CLCN4: variants seen among roughly 807,000 people sequenced by gnomAD.
CLCN4 encodes the protein Cl-/H+ antiporter 4.
A neutral mutation model predicts 41.7 loss-of-function variants in CLCN4; 1 was observed. That is an observed-to-expected ratio of 0.02 (90% confidence interval 0.01 to 0.11). The LOEUF (loss-of-function observed/expected upper bound fraction) is 0.11, where lower values mean the gene tolerates loss of function less well. Ranked by LOEUF, CLCN4 falls within the 10% of genes least tolerant of loss-of-function variation. The pLI is 1.00. For missense variants in CLCN4, 287 were observed against 661.0 expected, an observed-to-expected ratio of 0.43 and a Z score of 6.20; for synonymous variants, 277 against 285.8, an observed-to-expected ratio of 0.97 and a Z score of 0.31.
intron 11 of CLCN4, among the ~76,000 whole-genome samples, chrX:10,219,907 T>C (rs777528873): frequency 1.8e-5 from 2 of 112,463 alleles, no homozygotes; most frequent in South Asian, 7.3e-4. Context: ...TAGCACCGCG[T>C]TAAGCTGTAT....
At chrX:10,222,008 A>G (rs1202412815) in intron 12 of CLCN4, among the ~76,000 whole-genome samples, 1 of 112,950 alleles carries the variant, frequency 8.9e-6, no homozygotes, top group Non-Finnish European at 1.9e-5. Context: ...GAAATCACAC[A>G]TAAGCAAAGG....
intron 5 of CLCN4, among the ~76,000 whole-genome samples, chrX:10,196,193 G>T (rs137994249): frequency 2.3e-3 from 260 of 112,286 alleles, no homozygotes; most frequent in Middle Eastern, 9.2e-3. Context: ...GCATCTCATT[G>T]TGCTTTCAGT....
In CLCN4 at chrX:10,229,564, G is replaced by T. The variant is rs1288984624; in HGVS notation, c.2193-3930G>T. On this transcript the variant is annotated intron_variant, in intron 12 of 12. Coordinates refer to ENST00000380833, the MANE Select transcript of CLCN4 (RefSeq NM_001830.4). ...CCCCCGTCCCCCCACCCCACTACAG[G>T]CCCCGGTGTGTGATGTTCCCCTTCC... Among the ~76,000 whole-genome samples, 4 of 105,692 alleles carry T rather than the reference G, an allele frequency of 3.8e-5. No individual in the cohort carries two copies. In the Admixed American group the frequency reaches 4.1e-4, roughly 11 times the overall value. The allele number at this position is 105,692 out of a possible 115,157, so 91.8% of individuals were successfully genotyped here. A position where few individuals can be genotyped will look rare whatever the true frequency, so the allele number is the denominator to read the frequency against.
chrX:10,222,782 G>A (rs1377228239), intron 12 of CLCN4, among the ~76,000 whole-genome samples: 1 of 111,894 alleles, frequency 8.9e-6, no homozygotes, highest in Non-Finnish European at 1.9e-5. Context: ...AGCACACAGG[G>A]GGACAGGCTT....
At chrX:10,184,796 C>T (rs1923768103) in intron 2 of CLCN4, among the ~76,000 whole-genome samples, 1 of 111,980 alleles carries the variant, frequency 8.9e-6, no homozygotes, top group African/African-American at 3.3e-5. Context: ...CCTGTATTCT[C>T]TTGGGAACAG....
chrX:10,186,205 G>A (rs1923806469), intron 3 of CLCN4, among the ~76,000 whole-genome samples: 1 of 111,171 alleles, frequency 9.0e-6, no homozygotes. Context: ...GCGGATGGGT[G>A]ATCACAGGTG....
chrX:10,219,619 C>T (rs1924809213), intron 11 of CLCN4, among the ~76,000 whole-genome samples: 1 of 112,120 alleles, frequency 8.9e-6, no homozygotes, highest in Non-Finnish European at 1.9e-5. Context: ...GCCAGTTTTC[C>T]ATTAGAGTAC....
rs61453535 is a variant in CLCN4, at chrX:10,204,613, C to CTTTTTTTTTTTTTTTTTTTTTTTTTTTT, written c.556-1736_556-1709dup. ...CTATTCTCACCAGAAAGCTAGTAGT[C>CTTTTTTTTTTTTTTTTTTTTTTTTTTTT]TTTTTTTTTTTTTTTTTTTTTTTTT... On this transcript the variant is annotated intron_variant, in intron 6 of 12. Coordinates refer to ENST00000380833, the MANE Select transcript of CLCN4 (RefSeq NM_001830.4). 7.3e-5 allele frequency among the ~76,000 whole-genome samples: 2 copies of CTTTTTTTTTTTTTTTTTTTTTTTTTTTT among 27,349 alleles called. 1 individual carries two copies. Among genetic ancestry groups the CTTTTTTTTTTTTTTTTTTTTTTTTTTTT allele is most frequent in the Non-Finnish European group, 1.8e-4 (2 of 10,921 alleles). 23.7% of individuals were successfully genotyped at this position (27,349 alleles called of 115,157 possible).
chrX:10,158,669 G>T (rs1002615461), intron 2 of CLCN4, 118 bp downstream of exon 2: 1 of 243,323 alleles, frequency 4.1e-6, no homozygotes, highest in African/African-American at 2.9e-5. Context: ...CCCAAAGTGG[G>T]GCCTCTGGCT....
At chrX:10,169,777 TTTTC>T (rs1569223397) in intron 2 of CLCN4, among the ~76,000 whole-genome samples, 2 of 85,779 alleles carry the variant, frequency 2.3e-5, no homozygotes, top group African/African-American at 1.2e-4. Context: ...TTTTTTTTCT[TTTTC>T]TTTTCTTTTC....
Position 10,213,635 on chromosome X carries a change from C to T in CLCN4, c.1577-46C>T, listed in dbSNP as rs776239768. 1.3e-5 allele frequency: 15 copies of T among 1,127,496 alleles called. No individual in the cohort carries two copies. The Admixed American group carries it at 3.3e-4, about 25-fold the overall frequency. The allele number at this position is 1,127,496 out of a possible 1,213,427, so 92.9% of individuals were successfully genotyped here. Reference sequence around the variant, plus strand: ...TTTCCCCAAATCATGCTTCCGTGAGCTGCCCGGCTTGCACTTTGGAATCTT... The same window carrying T: ...TTTCCCCAAATCATGCTTCCGTGAGTTGCCCGGCTTGCACTTTGGAATCTT... On this transcript the variant is annotated intron_variant, in intron 10 of 12. Transcript: ENST00000380833.
rs1201577069 is a variant in CLCN4 at position 10,234,130 on chromosome X, A to G, written c.*546A>G. Reference sequence around the variant, plus strand: ...ACACAGTGAAAGCTGCAAGTATGCCAGTGGGTCCGCTCACGACCGTCCTGT... The same window carrying G: ...ACACAGTGAAAGCTGCAAGTATGCCGGTGGGTCCGCTCACGACCGTCCTGT... On this transcript the variant is annotated 3_prime_UTR_variant, in exon 13 of 13. Transcript: ENST00000380833. 4.4e-5 allele frequency: 5 copies of G among 113,141 alleles called. No individual in the cohort carries two copies. The highest frequency in any genetic ancestry group is 1.6e-4 in the African/African-American group (5 of 31,011). 9.3% of individuals were successfully genotyped at this position (113,141 alleles called of 1,213,427 possible).
At position 10,173,400 on chromosome X, in the gene CLCN4, G is replaced by A. The variant is rs149442941; in HGVS notation, c.-11-11622G>A. Among the ~76,000 whole-genome samples the A allele has an allele frequency of 5.9e-3, 651 of 111,158 alleles. 4 individuals are homozygous for A. Among genetic ancestry groups the A allele is most frequent in the African/African-American group, 0.02 (615 of 30,526 alleles). On this transcript the variant is annotated intron_variant, in intron 2 of 12. Coordinates refer to ENST00000380833, the MANE Select transcript of CLCN4 (RefSeq NM_001830.4). ...GCCTGGGCGCTGCCTCAGGGACCCC[G>A]GTTTAATGACTCTGGGCGGGGCCTG...
chrX:10,236,000 C>G lies in CLCN4; in HGVS notation c.*2416C>G, dbSNP rs571017923. 8.9e-6 allele frequency: 1 copy of G among 112,424 alleles called. No homozygotes were observed. The highest frequency in any genetic ancestry group is 1.9e-5 in the Non-Finnish European group (1 of 53,328). 9.3% of individuals were successfully genotyped at this position (112,424 alleles called of 1,213,427 possible). On this transcript the variant is annotated 3_prime_UTR_variant, in exon 13 of 13. Transcript: ENST00000380833. ...TTTAAATCCAAAAAGTCTTAATGACCGCTTCATGTAGTTCCCCTCTTATTC... is the reference window on the plus strand; with the variant it reads ...TTTAAATCCAAAAAGTCTTAATGACGGCTTCATGTAGTTCCCCTCTTATTC...
At chrX:10,202,752 G>C (rs1339920817) in intron 6 of CLCN4, among the ~76,000 whole-genome samples, 1 of 104,819 alleles carries the variant, frequency 9.5e-6, no homozygotes, top group Non-Finnish European at 1.9e-5. Context: ...GCTTCCTTTT[G>C]TCAGTAGAAC....
At position 10,236,591 on chromosome X, in the gene CLCN4, T is replaced by A. The variant is rs201630228; in HGVS notation, c.*3007T>A. 1.5e-4 allele frequency: 17 copies of A among 111,910 alleles called. No individual in the cohort carries two copies. The East Asian group carries it at 4.5e-3, about 30-fold the overall frequency. 9.2% of individuals were successfully genotyped at this position (111,910 alleles called of 1,213,427 possible). Reference sequence around the variant, plus strand: ...AACATGCTGCCATGCTCTGTCTTTCTTGTAAACGTAGTTGGGTAGGGATCC... The same window carrying A: ...AACATGCTGCCATGCTCTGTCTTTCATGTAAACGTAGTTGGGTAGGGATCC... On this transcript the variant is annotated 3_prime_UTR_variant, in exon 13 of 13. Coordinates refer to ENST00000380833, the MANE Select transcript of CLCN4 (RefSeq NM_001830.4).
Position 10,187,384 on chromosome X carries a change from G to A in CLCN4, c.145-131G>A, listed in dbSNP as rs1383310644. On this transcript the variant is annotated intron_variant, in intron 3 of 12. Coordinates refer to ENST00000380833, the MANE Select transcript of CLCN4 (RefSeq NM_001830.4). ...ACATAACTGAAAGAATCACATCAGTGGGAATTTAGCTGCTTGATGACATTC... is the reference window on the plus strand; with the variant it reads ...ACATAACTGAAAGAATCACATCAGTAGGAATTTAGCTGCTTGATGACATTC... 2.0e-5 allele frequency: 10 copies of A among 499,549 alleles called. No individual in the cohort carries two copies. In the South Asian group the frequency reaches 3.0e-4, roughly 15 times the overall value. The allele number at this position is 499,549 out of a possible 1,213,427, so 41.2% of individuals were successfully genotyped here.
intron 1 of CLCN4, 99 bp downstream of exon 1, chrX:10,157,199 T>C (rs943213198): frequency 3.2e-5 from 9 of 283,046 alleles, no homozygotes; most frequent in Admixed American, 1.3e-4. Context: ...TTGAAAATAA[T>C]TGATCGCTGT....
chrX:10,178,403 A>G (rs751855709), intron 2 of CLCN4, among the ~76,000 whole-genome samples: 2 of 111,094 alleles, frequency 1.8e-5, no homozygotes, highest in East Asian at 5.6e-4. Context: ...TCTTCCTGCT[A>G]CTCCTCCAAA....
Sources: allele counts gnomAD v4.1 joint callset (sites outside exome capture counted in the v4.1 genomes callset), GRCh38; gene constraint gnomAD v4.1.1; transcripts MANE v1.5; gene names NCBI Gene and HGNC (gene_info 2026-07-23, HGNC 2026-07-21).